Variants in ETV6 observed in about 807,000 individuals in gnomAD.
ETV6 encodes the protein ETS variant transcription factor 6.
A neutral mutation model predicts 51.1 loss-of-function variants in ETV6; 16 were observed. That is an observed-to-expected ratio of 0.31 (90% CI 0.21 to 0.48). The LOEUF (loss-of-function observed/expected upper bound fraction) is 0.48, where lower values mean the gene tolerates loss of function less well. Among genes scored for constraint, ETV6 ranks in the 20% least tolerant of loss-of-function variants. The pLI is 0.99. For missense variants in ETV6, 458 were observed against 594.8 expected, an observed-to-expected ratio of 0.77 and a Z score of 2.39; for synonymous variants, 240 against 224.1, an observed-to-expected ratio of 1.07 and a Z score of -0.64.
intron 2 of ETV6, among the ~76,000 whole-genome samples, chr12:11,816,460 A>G (rs1441482739): frequency 6.6e-6 from 1 of 152,174 alleles, no homozygotes; most frequent in East Asian, 1.9e-4. Flanking sequence ...GTTAGCCAGG[A>G]TGGTCTCGAT....
intron 1 of ETV6, among the ~76,000 whole-genome samples, chr12:11,719,977 C>G (rs923356758): frequency 2.0e-5 from 3 of 152,170 alleles, no homozygotes; most frequent in Admixed American, 1.3e-4. Flanking sequence ...TTTTACCGCC[C>G]CCTCTCCCAC....
chr12:11,813,441 G>T (rs1945944332), intron 2 of ETV6, among the ~76,000 whole-genome samples: 1 of 152,180 alleles, frequency 6.6e-6, no homozygotes, highest in Non-Finnish European at 1.5e-5. Flanking sequence ...AGAATTATGG[G>T]ACCCCAGATG....
chr12:11,708,511 C>T (rs1865113435), intron 1 of ETV6, among the ~76,000 whole-genome samples: 1 of 152,192 alleles, frequency 6.6e-6, no homozygotes, highest in Non-Finnish European at 1.5e-5. Context: ...TTCTTGCAGT[C>T]TGGACATCAC....
chr12:11,880,837 C>T (rs529242196), intron 5 of ETV6, among the ~76,000 whole-genome samples: 38 of 152,290 alleles, frequency 2.5e-4, no homozygotes, highest in Middle Eastern at 6.8e-3. Context: ...AATCCAATGG[C>T]GTCGTCAGCC....
At chr12:11,809,308 C>CA (rs575563168) in intron 2 of ETV6, among the ~76,000 whole-genome samples, 5 of 151,646 alleles carry the variant, frequency 3.3e-5, no homozygotes, top group Non-Finnish European at 5.9e-5. Flanking sequence ...ATAGGAAAAA[C>CA]AAGAGAACTG....
At chr12:11,831,216 T>C (rs1946239740) in intron 2 of ETV6, among the ~76,000 whole-genome samples, 1 of 152,144 alleles carries the variant, frequency 6.6e-6, no homozygotes, top group South Asian at 2.1e-4. Context: ...TGTGTCTGTG[T>C]GTGTCTGTGT....
intron 1 of ETV6, among the ~76,000 whole-genome samples, chr12:11,738,202 C>CCT (rs1865740388): frequency 6.7e-6 from 1 of 148,224 alleles, no homozygotes; most frequent in Non-Finnish European, 1.5e-5. Context: ...TGCTTGCTTT[C>CCT]TCCTTCCTTC....
chr12:11,652,970 G>A (rs1343433046), intron 1 of ETV6, among the ~76,000 whole-genome samples: 1 of 152,106 alleles, frequency 6.6e-6, no homozygotes, highest in Non-Finnish European at 1.5e-5. Flanking sequence ...ACTACTCCAA[G>A]GGCACTGAAA....
chr12:11,814,839 G>A (rs1945967960), intron 2 of ETV6, among the ~76,000 whole-genome samples: 1 of 152,198 alleles, frequency 6.6e-6, no homozygotes, highest in Non-Finnish European at 1.5e-5. Flanking sequence ...TGAGCAGAAT[G>A]CCCCTCTTTT....
At chr12:11,746,582 A>G (rs1865912622) in intron 1 of ETV6, among the ~76,000 whole-genome samples, 1 of 152,158 alleles carries the variant, frequency 6.6e-6, no homozygotes, top group Admixed American at 6.5e-5. Flanking sequence ...TTTATGGGTA[A>G]AAGGACACGG....
chr12:11,747,788 A>T (rs1284682101), intron 1 of ETV6, among the ~76,000 whole-genome samples: 2 of 152,224 alleles, frequency 1.3e-5, no homozygotes, highest in Non-Finnish European at 2.9e-5. Flanking sequence ...ATTTCAGCGT[A>T]TTCAATTTTT....
intron 1 of ETV6, among the ~76,000 whole-genome samples, chr12:11,652,866 G>T (rs1210063446): frequency 6.6e-6 from 1 of 152,116 alleles, no homozygotes; most frequent in African/African-American, 2.4e-5. Context: ...GCCTGATAAG[G>T]GCTTTTCTGT....
At chr12:11,804,536 C>G (rs1591685554) in intron 2 of ETV6, among the ~76,000 whole-genome samples, 1 of 152,184 alleles carries the variant, frequency 6.6e-6, no homozygotes, top group East Asian at 1.9e-4. Context: ...TGCTGCCCTT[C>G]TGCCTATGAA....
chr12:11,681,355 G>A (rs139920111), intron 1 of ETV6, among the ~76,000 whole-genome samples: 1 of 152,192 alleles, frequency 6.6e-6, no homozygotes, highest in African/African-American at 2.4e-5. Flanking sequence ...CTGCTGTGTT[G>A]TTGGTATTTT....
intron 5 of ETV6, among the ~76,000 whole-genome samples, chr12:11,878,324 A>G (rs1308939659): frequency 6.6e-6 from 1 of 152,216 alleles, no homozygotes; most frequent in Non-Finnish European, 1.5e-5. Flanking sequence ...AGTGGAAAAT[A>G]ATAGAAGGGG....
intron 2 of ETV6, among the ~76,000 whole-genome samples, chr12:11,787,191 G>A (rs910842135): frequency 1.3e-5 from 2 of 152,190 alleles, no homozygotes; most frequent in Non-Finnish European, 2.9e-5. Flanking sequence ...TGTGAAAATG[G>A]ATCAGTTATT....
intron 1 of ETV6, among the ~76,000 whole-genome samples, chr12:11,748,672 G>A (rs998509821): frequency 6.6e-5 from 10 of 152,110 alleles, no homozygotes; most frequent in African/African-American, 1.7e-4. Context: ...GTGGGGGAAC[G>A]TGGAGAAATG....
At chr12:11,677,961 T>C (rs1472352709) in intron 1 of ETV6, among the ~76,000 whole-genome samples, 1 of 152,254 alleles carries the variant, frequency 6.6e-6, no homozygotes, top group African/African-American at 2.4e-5. Flanking sequence ...GCTTGGACAC[T>C]TCACTCCGTG....
chr12:11,841,340 G>C (rs1946388185), intron 3 of ETV6, among the ~76,000 whole-genome samples: 2 of 151,990 alleles, frequency 1.3e-5, no homozygotes, highest in Admixed American at 1.3e-4. Flanking sequence ...GATCTAAAAG[G>C]CCAAAGAAGG....
Sources: allele counts gnomAD v4.1 joint callset (sites outside exome capture counted in the v4.1 genomes callset), GRCh38; gene constraint gnomAD v4.1.1; transcripts MANE v1.5; gene names NCBI Gene and HGNC (gene_info 2026-07-23, HGNC 2026-07-21).